PCDH15: variants seen among roughly 807,000 people sequenced by gnomAD.
The protein encoded by PCDH15 is protocadherin-15.
Under a neutral mutation model 178.5 loss-of-function variants are expected in PCDH15, and 129 were observed. That is an observed-to-expected ratio of 0.72 (90% CI 0.63 to 0.84). The LOEUF is 0.84. PCDH15 is among the 40% of genes least tolerant of loss of function. The pLI is 0.00. For synonymous variants in PCDH15, 800 were observed against 732.0 expected (o/e 1.09, Z -1.50); for missense variants, 2,230 against 2,099.9 (o/e 1.06, Z -1.21).
chr10:55,531,385 G>A (rs1841451406), intron 2 of PCDH15, among the ~76,000 whole-genome samples: 1 of 151,874 alleles, frequency 6.6e-6, no homozygotes, highest in Non-Finnish European at 1.5e-5. Flanking sequence ...CATAAAAATA[G>A]GTAATCTTTT....
At chr10:55,244,982 C>T (rs1043735671) in intron 1 of PCDH15, among the ~76,000 whole-genome samples, 6 of 151,916 alleles carry the variant, frequency 3.9e-5, no homozygotes, top group African/African-American at 1.4e-4. Context: ...TTTCTGTCTT[C>T]TATTCTGAAG....
At chr10:55,312,879 A>G (rs1041385084) in intron 1 of PCDH15, among the ~76,000 whole-genome samples, 2 of 152,184 alleles carry the variant, frequency 1.3e-5, no homozygotes, top group Non-Finnish European at 2.9e-5. Flanking sequence ...GGCCTCCCAA[A>G]GTGCTGAGAT....
chr10:54,991,528 C>T (rs2131917479), intron 2 of PCDH15, among the ~76,000 whole-genome samples: 1 of 152,220 alleles, frequency 6.6e-6, no homozygotes, highest in South Asian at 2.1e-4. Flanking sequence ...TTTATACACA[C>T]AGGGTCACAG....
chr10:54,012,993 G>T (rs1216433417), intron 20 of PCDH15, among the ~76,000 whole-genome samples: 1 of 151,956 alleles, frequency 6.6e-6, no homozygotes, highest in Admixed American at 6.6e-5. Context: ...AAGGACCAAC[G>T]TTATGCTGTC....
intron 3 of PCDH15, among the ~76,000 whole-genome samples, chr10:54,414,583 A>T (rs565391819): frequency 6.6e-6 from 1 of 152,282 alleles, no homozygotes; most frequent in African/African-American, 2.4e-5. Context: ...ACTTTATTTA[A>T]AACACAGTTG....
intron 2 of PCDH15, among the ~76,000 whole-genome samples, chr10:55,030,827 G>T (rs916773917): frequency 3.9e-5 from 6 of 152,078 alleles, no homozygotes; most frequent in Admixed American, 6.6e-5. Context: ...GCAGAAGTTA[G>T]GGGAAGATAA....
chr10:54,931,615 T>C (rs1173108363), intron 2 of PCDH15, among the ~76,000 whole-genome samples: 1 of 152,196 alleles, frequency 6.6e-6, no homozygotes, highest in Admixed American at 6.5e-5. Flanking sequence ...CTGTTATTCA[T>C]CCTGAACTTT....
chr10:54,261,786 A>G (rs1257410090), intron 8 of PCDH15, among the ~76,000 whole-genome samples: 1 of 152,174 alleles, frequency 6.6e-6, no homozygotes, highest in African/African-American at 2.4e-5. Context: ...AGGCACCAAA[A>G]AAGATTTGGA....
intron 2 of PCDH15, among the ~76,000 whole-genome samples, chr10:55,342,606 G>T (rs1844635248): frequency 6.6e-6 from 1 of 152,048 alleles, no homozygotes; most frequent in Non-Finnish European, 1.5e-5. Context: ...CATTGTGCCT[G>T]TGGTTGTTTT....
At chr10:55,317,426 A>G (rs1843752346) in intron 1 of PCDH15, among the ~76,000 whole-genome samples, 1 of 151,902 alleles carries the variant, frequency 6.6e-6, no homozygotes. Context: ...TTAATATCTT[A>G]CCCTTTTAAT....
At chr10:55,004,345 G>T (rs1250586770) in intron 2 of PCDH15, among the ~76,000 whole-genome samples, 2 of 151,940 alleles carry the variant, frequency 1.3e-5, no homozygotes, top group Admixed American at 1.3e-4. Context: ...GCCTGAAACT[G>T]GCCCAATTGT....
At chr10:55,176,853 C>T (rs1839504767) in intron 1 of PCDH15, among the ~76,000 whole-genome samples, 1 of 152,098 alleles carries the variant, frequency 6.6e-6, no homozygotes, top group Admixed American at 6.5e-5. Flanking sequence ...AACCAGACTA[C>T]CCAGCTAACT....
intron 3 of PCDH15, among the ~76,000 whole-genome samples, chr10:54,413,391 T>A (rs11004283): frequency 3.3e-5 from 5 of 152,020 alleles, no homozygotes; most frequent in Non-Finnish European, 5.9e-5. Flanking sequence ...CTGGGGTCAC[T>A]TCCTGCATCT....
At chr10:54,462,056 A>G (rs1296270288) in intron 3 of PCDH15, among the ~76,000 whole-genome samples, 3 of 152,098 alleles carry the variant, frequency 2.0e-5, no homozygotes, top group Non-Finnish European at 4.4e-5. Flanking sequence ...TAGTCAATGC[A>G]AATAAAAAAT....
At chr10:54,550,145 ATTCTAT>A (rs761962505) in intron 2 of PCDH15, among the ~76,000 whole-genome samples, 1 of 152,066 alleles carries the variant, frequency 6.6e-6, no homozygotes, top group African/African-American at 2.4e-5. Context: ...TTGTTGAATG[ATTCTAT>A]TTCTTTTTCC....
At chr10:53,951,064 C>T (rs894593796) in intron 23 of PCDH15, among the ~76,000 whole-genome samples, 85 of 152,192 alleles carry the variant, frequency 5.6e-4, no homozygotes, top group African/African-American at 1.9e-3. Flanking sequence ...ATTAGGCCAA[C>T]TAAATGATCT....
chr10:54,240,900 G>A (rs2055216815), intron 8 of PCDH15, among the ~76,000 whole-genome samples: 1 of 151,944 alleles, frequency 6.6e-6, no homozygotes. Flanking sequence ...CAAAGTGCTG[G>A]GATTACAGGA....
chr10:54,246,722 C>T lies in PCDH15; in HGVS notation c.877-9791G>A, dbSNP rs188988415. On this transcript the variant is annotated intron_variant, in intron 8 of 37. Transcript: ENST00000644397. ...AGAATAAAGTTGCAGAGTATGTATA[C>T]ATTCTGATAGGCTAGATTACTGTCA... is the stretch of plus-strand genomic sequence containing the variant. 2.6e-4 allele frequency among the ~76,000 whole-genome samples: 39 copies of T among 151,972 alleles called. No homozygotes were observed. In the East Asian group the frequency reaches 7.1e-3, roughly 28 times the overall value.
At chr10:55,005,119 C>A (rs917110454) in intron 2 of PCDH15, among the ~76,000 whole-genome samples, 4 of 151,276 alleles carry the variant, frequency 2.6e-5, no homozygotes, top group African/African-American at 9.7e-5. Flanking sequence ...TTCCTGTAGT[C>A]CCAGCTACGT....
Sources: allele counts gnomAD v4.1 joint callset (sites outside exome capture counted in the v4.1 genomes callset), GRCh38; gene constraint gnomAD v4.1.1; transcripts MANE v1.5; gene names NCBI Gene and HGNC (gene_info 2026-07-23, HGNC 2026-07-21).